Variants in CHD1L observed in about 807,000 individuals in gnomAD.
CHD1L encodes chromodomain helicase DNA binding protein 1 like.
In CHD1L, 118 loss-of-function variants were observed where a neutral mutation model predicts 115.9. The ratio of observed to expected loss-of-function variants is 1.02; its 90% CI spans 0.88 to 1.19. The LOEUF is 1.19. Among genes scored for constraint, CHD1L ranks in the 50% most tolerant of loss-of-function variants. The pLI, the probability that CHD1L is intolerant of heterozygous loss-of-function variation, is 0.00. For missense variants in CHD1L, 1,179 were observed against 1,065.3 expected (o/e 1.11, Z -1.49); for synonymous variants, 411 against 387.1 (o/e 1.06, Z -0.72).
chr1:147,187,598 A>G, the CHD1L span, among the ~76,000 whole-genome samples: 1 of 152,188 alleles, frequency 6.6e-6, no homozygotes. Context: ...CTCTGATGTT[A>G]TGAGAAAGAG....
At position 147,275,391 on chromosome 1, in the gene CHD1L, G is replaced by A; in HGVS notation, c.1308G>A (p.Val436=). The stretch of plus-strand genomic sequence containing the variant: ...TGAACTTAACAGCAGCAGATACTGT[G>A]ATTTTTGTTGACAGTGACTTTAATC... ...VGMNLTAADT[V]IFVDSDFNPQ... is the part of the protein sequence containing the mutation. The change falls in exon 13 of 23, where the codon GTG becomes GTA. Residue 436 remains valine (V), a synonymous_variant. Transcript: ENST00000369258. 2 of 1,614,132 alleles carry A rather than the reference G, an allele frequency of 1.2e-6. No individual in the cohort carries two copies. The highest frequency in any genetic ancestry group is 1.7e-6 in the Non-Finnish European group (2 of 1,179,996).
At chr1:147,264,366 T>TCAGCCTTG (rs1217041636) in intron 6 of CHD1L, 56 bp from the exon 7 acceptor site, 2 of 1,459,322 alleles carry the variant, frequency 1.4e-6, no homozygotes, top group Non-Finnish European at 1.9e-6. Flanking sequence ...GATGGGTAAC[T>TCAGCCTTG]CAGCCTTGCA....
In CHD1L at chr1:147,252,674, G is replaced by A. The variant is rs782737857; in HGVS notation, c.179G>A (p.Arg60His). 1.5e-5 allele frequency: 25 copies of A among 1,613,974 alleles called. No individual in the cohort carries two copies. The highest frequency in any genetic ancestry group is 1.9e-5 in the Non-Finnish European group (22 of 1,180,016). ...QLEGVNWLAQRFHCQNGCILG... is the reference protein window; with the variant it reads ...QLEGVNWLAQHFHCQNGCILG... ...GAGGGAGTAAACTGGCTCGCCCAGCGCTTCCATTGTCAGAATGGCTGTATC... is the reference window on the plus strand; with the variant it reads ...GAGGGAGTAAACTGGCTCGCCCAGCACTTCCATTGTCAGAATGGCTGTATC... Residue 60 changes from arginine (R) to histidine (H), a missense_variant, in exon 2 of 23, where the codon CGC becomes CAC. By Grantham distance (29) the Arg-to-His change is conservative. Coordinates refer to ENST00000369258, the MANE Select transcript of CHD1L (RefSeq NM_004284.6).
intron 2 of CHD1L, among the ~76,000 whole-genome samples, chr1:147,254,528 A>G (rs1027535131): frequency 1.3e-5 from 2 of 152,152 alleles, no homozygotes; most frequent in Non-Finnish European, 2.9e-5. Context: ...ATGTTTTCAG[A>G]GTATCGCAGA....
intron 12 of CHD1L, among the ~76,000 whole-genome samples, chr1:147,274,152 C>G (rs1272577470): frequency 2.6e-5 from 4 of 152,176 alleles, no homozygotes; most frequent in African/African-American, 4.8e-5. Flanking sequence ...TCTAGGCTTG[C>G]AACTTCAGAG....
chr1:147,192,547 T>C, the CHD1L span, among the ~76,000 whole-genome samples: 2 of 151,862 alleles, frequency 1.3e-5, no homozygotes. Flanking sequence ...TCCAACACTC[T>C]GTTGAATAGG....
Position 147,295,469 on chromosome 1 carries a change from C to T in CHD1L, c.2654C>T (p.Ser885Leu). The change falls in exon 23 of 23, where the codon TCA (serine) becomes TTA (leucine). Residue 885 changes from serine to leucine, a missense_variant. Ser to Leu is a moderately radical substitution (Grantham distance 145, BLOSUM62 -2). Transcript: ENST00000369258. ...FPRSKSAVLH[S>L]QSSSSSSRQL... ...AGAAGCAAGTCTGCTGTCCTTCATT[C>T]ACAGTCTTCATCTTCCTCCTCAAGA... 1.2e-6 allele frequency: 2 copies of T among 1,611,600 alleles called. No homozygotes were observed. The highest frequency in any genetic ancestry group is 1.7e-6 in the Non-Finnish European group (2 of 1,178,554).
At chr1:147,282,695 A>G (rs587622478) in intron 15 of CHD1L, among the ~76,000 whole-genome samples, 3 of 152,356 alleles carry the variant, frequency 2.0e-5, no homozygotes, top group African/African-American at 7.2e-5. Flanking sequence ...TTAAGTAGCA[A>G]CACACTCAGT....
rs1374064870 is a variant in CHD1L at position 147,242,696 on chromosome 1, C to T, written c.-8C>T. 3 of 1,262,696 alleles carry T rather than the reference C, an allele frequency of 2.4e-6. No homozygotes were observed. The highest frequency in any genetic ancestry group is 3.1e-5 in the African/African-American group (2 of 65,380). 78.2% of individuals were successfully genotyped at this position (1,262,696 alleles called of 1,614,324 possible). On this transcript the variant is annotated 5_prime_UTR_variant, in exon 1 of 23. Transcript: ENST00000369258. ...TTGGCCGCGCGGGGCGGGGCCTCTA[C>T]CGGCCCGATGGAGCGCGCGGGCGCT...
chr1:147,228,368 C>T, the CHD1L span, among the ~76,000 whole-genome samples: 1 of 152,242 alleles, frequency 6.6e-6, no homozygotes, highest in South Asian at 2.1e-4. Context: ...CATAGTATTC[C>T]ATGGTGTATA....
In CHD1L at chr1:147,286,413, C is replaced by A; in HGVS notation, c.2134C>A (p.Pro712Thr). 6.2e-7 allele frequency: 1 copy of A among 1,614,100 alleles called. No homozygotes were observed. The highest frequency in any genetic ancestry group is 8.5e-7 in the Non-Finnish European group (1 of 1,180,026). ...CTCTGCTGAGCTGGATTACCAAGAC[C>A]CAGATGCTACTTCCCTCAAGTACGT... is the stretch of plus-strand genomic sequence containing the variant. ...ESSAELDYQD[P>T]DATSLKYVSG... The change falls in exon 18 of 23, where the codon CCA becomes ACA. Residue 712 changes from proline to threonine, a missense_variant. Pro to Thr is a conservative substitution (Grantham distance 38). Coordinates refer to ENST00000369258, the MANE Select transcript of CHD1L (RefSeq NM_004284.6).
At chr1:147,233,459 C>T in the CHD1L span, among the ~76,000 whole-genome samples, 751 of 113,902 alleles carry the variant, frequency 6.6e-3, 5 homozygotes, top group African/African-American at 0.029. Flanking sequence ...CCGCCCCGTC[C>T]GGGAGGGAGG....
chr1:147,201,642 G>T, the CHD1L span: 1 of 653,610 alleles, frequency 1.5e-6, no homozygotes, highest in Non-Finnish European at 2.7e-6. Context: ...TTTGGAAAAG[G>T]TCTAATTTAT....
At chr1:147,193,345 C>T in the CHD1L span, among the ~76,000 whole-genome samples, 110 of 152,118 alleles carry the variant, frequency 7.2e-4, 1 homozygote, top group Admixed American at 5.2e-4. Flanking sequence ...TCTGTGGGAT[C>T]GGTGGTGATA....
chr1:147,259,892 T>A lies in CHD1L; in HGVS notation c.550T>A (p.Ser184Thr). The A allele has an allele frequency of 6.2e-7, 1 of 1,613,838 alleles. No individual in the cohort carries two copies. The highest frequency in any genetic ancestry group is 1.7e-4 in the Middle Eastern group (1 of 6,060). The change falls in exon 6 of 23, where the codon TCC becomes ACC. Residue 184 changes from serine to threonine, a missense_variant. Coordinates refer to ENST00000369258, the MANE Select transcript of CHD1L (RefSeq NM_004284.6). ...AGCTCACAGGTTGAAAAACCAAAGCTCCCTGCTGCATAAGACCTTGTCAGA... is the reference window on the plus strand; with the variant it reads ...AGCTCACAGGTTGAAAAACCAAAGCACCCTGCTGCATAAGACCTTGTCAGA... ...DEAHRLKNQS[S>T]LLHKTLSEFS...
At chr1:147,250,768 C>T (rs587674428) in intron 1 of CHD1L, among the ~76,000 whole-genome samples, 1 of 150,798 alleles carries the variant, frequency 6.6e-6, no homozygotes, top group Admixed American at 6.6e-5. Context: ...TCCTGTCTTG[C>T]TAGGCTGCCA....
intron 12 of CHD1L, among the ~76,000 whole-genome samples, chr1:147,275,023 C>A (rs904041854): frequency 6.6e-6 from 1 of 152,168 alleles, no homozygotes; most frequent in African/African-American, 2.4e-5. Flanking sequence ...TCAGACTACT[C>A]TAATCAAAAT....
At chr1:147,290,489 C>T (rs1209044230) in intron 19 of CHD1L, among the ~76,000 whole-genome samples, 2 of 152,150 alleles carry the variant, frequency 1.3e-5, no homozygotes, top group Non-Finnish European at 2.9e-5. Flanking sequence ...GTTGGGCAGG[C>T]AGTTGATGAG....
At chr1:147,244,986 G>A (rs886804514) in intron 1 of CHD1L, among the ~76,000 whole-genome samples, 2 of 152,124 alleles carry the variant, frequency 1.3e-5, no homozygotes, top group Admixed American at 6.5e-5. Flanking sequence ...CTATCGTATT[G>A]TTTAATTTAA....
Sources: allele counts gnomAD v4.1 joint callset (sites outside exome capture counted in the v4.1 genomes callset), GRCh38; gene constraint gnomAD v4.1.1; transcripts MANE v1.5; gene names NCBI Gene and HGNC (gene_info 2026-07-23, HGNC 2026-07-21).